Variants in RANBP2 observed in about 807,000 individuals in gnomAD.
The protein encoded by RANBP2 is E3 SUMO-protein ligase RanBP2.
RANBP2 carries 57 observed loss-of-function variants against 303.6 expected under a neutral mutation model. The observed-to-expected ratio is 0.19, with a 90% CI of 0.15 to 0.23. The LOEUF (loss-of-function observed/expected upper bound fraction) is 0.23. Among genes scored for constraint, RANBP2 ranks in the 10% least tolerant of loss-of-function variants. The pLI, the probability that RANBP2 is intolerant of heterozygous loss-of-function variation, is 1.00. For synonymous variants in RANBP2, 1,167 were observed against 1,301.5 expected (o/e 0.90, Z 2.23); for missense variants, 3,138 against 3,780.8 (o/e 0.83, Z 4.46).
At chr2:109,615,023 C>A in the RANBP2 span, 1 of 1,546,914 alleles carries the variant, frequency 6.5e-7, no homozygotes, top group African/African-American at 1.4e-5. Context: ...ACCTGGAGCT[C>A]CCGCCACATG....
chr2:109,337,957 C>T, the RANBP2 span, among the ~76,000 whole-genome samples: 1 of 151,958 alleles, frequency 6.6e-6, no homozygotes, highest in African/African-American at 2.4e-5. Flanking sequence ...GTCTGGAACT[C>T]CTGAGTTCAA....
chr2:109,397,245 G>A, the RANBP2 span, among the ~76,000 whole-genome samples: 2 of 152,146 alleles, frequency 1.3e-5, no homozygotes, highest in Non-Finnish European at 2.9e-5. Flanking sequence ...CCTGAGCTCT[G>A]TGCTCCTCCA....
chr2:108,914,784 C>T, the RANBP2 span, among the ~76,000 whole-genome samples: 1 of 152,240 alleles, frequency 6.6e-6, no homozygotes, highest in Non-Finnish European at 1.5e-5. Flanking sequence ...GAGTCAAGGA[C>T]AAGGCCAGCT....
chr2:108,814,828 G>A, the RANBP2 span, among the ~76,000 whole-genome samples: 2 of 151,636 alleles, frequency 1.3e-5, no homozygotes, highest in African/African-American at 2.4e-5. Flanking sequence ...TAGAGACAGC[G>A]TTTCACCATG....
At chr2:108,912,071 A>G in the RANBP2 span, among the ~76,000 whole-genome samples, 138,885 of 152,262 alleles carry the variant, frequency 0.91, 63,411 homozygotes, top group East Asian at 1. Flanking sequence ...CCAGAGATGA[A>G]GCTGACGAGC....
chr2:109,215,101 C>T, the RANBP2 span, among the ~76,000 whole-genome samples: 1 of 152,210 alleles, frequency 6.6e-6, no homozygotes, highest in Non-Finnish European at 1.5e-5. Context: ...GGACGACTAA[C>T]CTCCATACAC....
the RANBP2 span, among the ~76,000 whole-genome samples, chr2:109,084,405 T>G: frequency 6.6e-6 from 1 of 152,214 alleles, no homozygotes; most frequent in Non-Finnish European, 1.5e-5. Flanking sequence ...ATAGCAGCTG[T>G]GACTCTTTCA....
the RANBP2 span, among the ~76,000 whole-genome samples, chr2:108,978,191 G>C: frequency 6.6e-6 from 1 of 152,192 alleles, no homozygotes; most frequent in African/African-American, 2.4e-5. Flanking sequence ...GCCTTCACTG[G>C]GGATAGACGT....
chr2:109,435,602 G>A, the RANBP2 span, among the ~76,000 whole-genome samples: 2 of 152,220 alleles, frequency 1.3e-5, no homozygotes, highest in African/African-American at 4.8e-5. Flanking sequence ...CACGCACTAA[G>A]GAAGTAGGAC....
the RANBP2 span, among the ~76,000 whole-genome samples, chr2:109,579,697 A>C: frequency 6.6e-6 from 1 of 151,562 alleles, no homozygotes; most frequent in South Asian, 2.1e-4. Context: ...CCTGATTTTC[A>C]TTGGTTAGTT....
the RANBP2 span, among the ~76,000 whole-genome samples, chr2:109,272,974 T>A: frequency 6.6e-6 from 1 of 152,322 alleles, no homozygotes; most frequent in African/African-American, 2.4e-5. Context: ...CCTATTAAGC[T>A]ACTGGAAGAA....
chr2:109,732,061 T>G, the RANBP2 span, among the ~76,000 whole-genome samples: 1 of 152,164 alleles, frequency 6.6e-6, no homozygotes, highest in African/African-American at 2.4e-5. Flanking sequence ...TTTTGCCATG[T>G]TGCCCAGGCT....
the RANBP2 span, among the ~76,000 whole-genome samples, chr2:109,554,168 T>C: frequency 2.0e-5 from 3 of 152,240 alleles, no homozygotes; most frequent in African/African-American, 4.8e-5. Context: ...TTTTGGTGCA[T>C]CAGTGAGTGA....
chr2:109,249,724 T>TGCAAGCTCC, the RANBP2 span, among the ~76,000 whole-genome samples: 1 of 151,644 alleles, frequency 6.6e-6, no homozygotes, highest in South Asian at 2.1e-4. Context: ...CTCAGCTCAC[T>TGCAAGCTCC]GCAAGCTCCG....
At chr2:109,138,417 G>C in the RANBP2 span, among the ~76,000 whole-genome samples, 1 of 152,350 alleles carries the variant, frequency 6.6e-6, no homozygotes, top group African/African-American at 2.4e-5. Flanking sequence ...TGGGAGTTTA[G>C]CTGTAAAAGA....
chr2:109,257,986 C>T, the RANBP2 span, among the ~76,000 whole-genome samples: 3 of 124,400 alleles, frequency 2.4e-5, no homozygotes, highest in African/African-American at 9.3e-5. Flanking sequence ...GCTTGATTGT[C>T]ACCACATGTG....
the RANBP2 span, among the ~76,000 whole-genome samples, chr2:109,292,077 A>G: frequency 6.6e-6 from 1 of 152,094 alleles, no homozygotes; most frequent in Non-Finnish European, 1.5e-5. Context: ...GTTAGCCAGG[A>G]TGGTCTCGAT....
chr2:108,898,933 TATAAC>T, the RANBP2 span, among the ~76,000 whole-genome samples: 29 of 152,286 alleles, frequency 1.9e-4, 1 homozygote, highest in Admixed American at 7.2e-4. Flanking sequence ...ACTGTGGAGT[TATAAC>T]AGAAGAGCTA....
At chr2:109,540,493 T>A in the RANBP2 span, among the ~76,000 whole-genome samples, 1 of 152,076 alleles carries the variant, frequency 6.6e-6, no homozygotes, top group Non-Finnish European at 1.5e-5. Flanking sequence ...TCTCTCTTCA[T>A]CTCTAGCAAT....
Sources: gnomAD v4.1 joint callset for allele counts (sites outside exome capture counted in the v4.1 genomes callset) on GRCh38, gnomAD v4.1.1 for gene constraint, MANE v1.5 for transcripts, NCBI Gene and HGNC (gene_info 2026-07-23, HGNC 2026-07-21) for gene names.